PHF2: variants seen among roughly 807,000 people sequenced by gnomAD.
PHF2 encodes PHD finger protein 2.
In PHF2, 27 loss-of-function variants were observed where a neutral mutation model predicts 120.5. The observed-to-expected ratio is 0.22, with a 90% CI of 0.17 to 0.31. The LOEUF (loss-of-function observed/expected upper bound fraction) is 0.31. PHF2 is among the 10% of genes least tolerant of loss of function. The pLI is 1.00. For missense variants in PHF2, 1,024 were observed against 1,434.8 expected (o/e 0.71, Z 4.63); for synonymous variants, 568 against 592.5 (o/e 0.96, Z 0.60).
In PHF2 at chr9:93,676,822, C is replaced by G; in HGVS notation, c.3061C>G (p.Leu1021Val). ...EPPPESHSSS[L>V]ADHEYTAAGT... ...CCCGCCTGAGTCGCATAGCAGCAGC[C>G]TGGCGGACCATGAGTACACAGCCGC... The change falls in exon 21 of 22, where the codon CTG becomes GTG. Residue 1021 changes from leucine (L) to valine (V), a missense_variant. Leu to Val is a conservative substitution (Grantham distance 32, BLOSUM62 1). Around this residue, in one of 2 missense-constraint regions of PHF2, gnomAD observed 677 missense variants for 857.4 expected, o/e 0.79. Coordinates refer to ENST00000359246, the MANE Select transcript of PHF2 (RefSeq NM_005392.4). The G allele has an allele frequency of 6.4e-7, 1 of 1,556,728 alleles. No homozygotes were observed. Among genetic ancestry groups the G allele is most frequent in the South Asian group, 1.2e-5 (1 of 84,498 alleles).
At chr9:93,659,652 C>T (rs766602223) in intron 11 of PHF2, 52 bp downstream of exon 11, 2 of 1,535,546 alleles carry the variant, frequency 1.3e-6, no homozygotes, top group South Asian at 2.3e-5. Context: ...GGGGAGGGCC[C>T]ACCTGTCTTT....
chr9:93,645,825 G>T, intron 4 of PHF2, 36 bp downstream of exon 4: 1 of 1,533,144 alleles, frequency 6.5e-7, no homozygotes, highest in East Asian at 2.3e-5. Flanking sequence ...TCTGGGGCTG[G>T]AGCTGGGAGT....
intron 18 of PHF2, 125 bp from the exon 19 acceptor site, chr9:93,674,802 C>A: frequency 1.5e-6 from 1 of 662,452 alleles, no homozygotes; most frequent in Non-Finnish European, 2.7e-6. Flanking sequence ...CACAGCGTGG[C>A]AGGCCTTAGT....
intron 1 of PHF2, among the ~76,000 whole-genome samples, chr9:93,623,191 G>C (rs1825853097): frequency 6.6e-6 from 1 of 152,186 alleles, no homozygotes; most frequent in African/African-American, 2.4e-5. Flanking sequence ...GGTCTGATGT[G>C]CAATGTGGAT....
At chr9:93,583,046 A>G (rs10156602) in intron 1 of PHF2, among the ~76,000 whole-genome samples, 56,397 of 152,104 alleles carry the variant, frequency 0.37, 10,875 homozygotes, top group African/African-American at 0.42. Context: ...CCGGTATCCA[A>G]TAAGTAGTCA....
At chr9:93,674,793 A>G in intron 18 of PHF2, 134 bp from the exon 19 acceptor site, 1 of 636,398 alleles carries the variant, frequency 1.6e-6, no homozygotes, top group Non-Finnish European at 2.8e-6. Flanking sequence ...TGACAGTGAC[A>G]CAGCGTGGCA....
At chr9:93,672,955 T>C (rs564438682) in intron 17 of PHF2, among the ~76,000 whole-genome samples, 1 of 150,948 alleles carries the variant, frequency 6.6e-6, no homozygotes, top group East Asian at 2.0e-4. Flanking sequence ...CACGTATGGG[T>C]ATAGGAGTAG....
intron 3 of PHF2, among the ~76,000 whole-genome samples, chr9:93,643,554 G>C (rs772206450): frequency 2.0e-5 from 3 of 152,188 alleles, no homozygotes; most frequent in Admixed American, 6.5e-5. Context: ...CTGCCCTCTT[G>C]GCAAAATTAG....
At chr9:93,624,778 GATA>G (rs758287409) in intron 1 of PHF2, among the ~76,000 whole-genome samples, 17 of 151,856 alleles carry the variant, frequency 1.1e-4, no homozygotes, top group African/African-American at 4.1e-4. Flanking sequence ...AGGTGATGAT[GATA>G]ATGATGGTGT....
intron 11 of PHF2, 57 bp from the exon 12 acceptor site, chr9:93,660,135 G>C: frequency 6.8e-7 from 1 of 1,474,680 alleles, no homozygotes. Flanking sequence ...TGTGTGGACC[G>C]TCTTGGGCCA....
intron 1 of PHF2, among the ~76,000 whole-genome samples, chr9:93,615,197 TG>T (rs1271854490): frequency 7.2e-5 from 10 of 138,046 alleles, no homozygotes; most frequent in South Asian, 4.5e-4. Flanking sequence ...GCGATGGTGA[TG>T]ATGATGGTGA....
chr9:93,664,148 C>T (rs1381905633), intron 14 of PHF2, among the ~76,000 whole-genome samples: 1 of 152,194 alleles, frequency 6.6e-6, no homozygotes, highest in African/African-American at 2.4e-5. Context: ...GGACAGGGTC[C>T]TGGCTCTCAG....
intron 1 of PHF2, among the ~76,000 whole-genome samples, chr9:93,605,006 A>G (rs75625893): frequency 0.13 from 20,477 of 152,090 alleles, 1,412 homozygotes; most frequent in East Asian, 0.2. Context: ...TTTATTTTTA[A>G]TAGACTTAAG....
Position 93,662,942 on chromosome 9 carries a change from T to G in PHF2, c.1734T>G (p.Asp578Glu). ...GTGTCCTGAGTGTGCCCAACAAAGA[T>G]GTGGTTCACATGCAGAATGATGTGG... ...TKSVLSVPNK[D>E]VVHMQNDVER... The change falls in exon 13 of 22, where the codon GAT becomes GAG. Residue 578 changes from aspartate (D) to glutamate (E), a missense_variant. Coordinates refer to ENST00000359246, the MANE Select transcript of PHF2 (RefSeq NM_005392.4). 6.2e-7 allele frequency: 1 copy of G among 1,614,016 alleles called. No homozygotes were observed. The highest frequency in any genetic ancestry group is 8.5e-7 in the Non-Finnish European group (1 of 1,179,966).
intron 1 of PHF2, among the ~76,000 whole-genome samples, chr9:93,623,913 A>G (rs1825864556): frequency 6.6e-6 from 1 of 152,252 alleles, no homozygotes; most frequent in African/African-American, 2.4e-5. Context: ...GTGGCCTTGC[A>G]GGGTTAGTCT....
Position 93,636,547 on chromosome 9 carries a change from C to T in PHF2, c.299+22C>T, listed in dbSNP as rs1490968163. On this transcript the variant is annotated intron_variant, in intron 3 of 21. Coordinates refer to ENST00000359246, the MANE Select transcript of PHF2 (RefSeq NM_005392.4). Reference sequence around the variant, plus strand: ...CCAGGTGGGCTGGCCTTCCTGTATGCTCCACCACCTGCAGCCAGGGGATGC... The same window carrying T: ...CCAGGTGGGCTGGCCTTCCTGTATGTTCCACCACCTGCAGCCAGGGGATGC... 5 of 1,483,488 alleles carry T rather than the reference C, an allele frequency of 3.4e-6. No individual in the cohort carries two copies. The African/African-American group carries it at 5.5e-5, about 16-fold the overall frequency. 91.9% of individuals were successfully genotyped at this position (1,483,488 alleles called of 1,614,324 possible).
At chr9:93,648,492 A>G (rs1215402204) in intron 4 of PHF2, among the ~76,000 whole-genome samples, 1 of 152,190 alleles carries the variant, frequency 6.6e-6, no homozygotes, top group Non-Finnish European at 1.5e-5. Flanking sequence ...CAGAGCAGCC[A>G]TGGAGAACTA....
At position 93,679,548 on chromosome 9, in the gene PHF2, A is replaced by G. The variant is rs181468873; in HGVS notation, c.*1872A>G. On this transcript the variant is annotated 3_prime_UTR_variant, in exon 22 of 22. Transcript: ENST00000359246. ...TGAGGTCTAAGGCAACTTAGATCAA[A>G]GTTTTAAAAAAGTAAAAATATTTCA... 4.4e-6 allele frequency: 1 copy of G among 228,738 alleles called. No homozygotes were observed. Among genetic ancestry groups the G allele is most frequent in the African/African-American group, 2.4e-5 (1 of 42,184 alleles). The allele number at this position is 228,738 out of a possible 1,614,324, so 14.2% of individuals were successfully genotyped here. A position where few individuals can be genotyped will look rare whatever the true frequency, so the allele number is the denominator to read the frequency against.
chr9:93,638,998 G>A (rs1019857489), intron 3 of PHF2, among the ~76,000 whole-genome samples: 12 of 152,306 alleles, frequency 7.9e-5, no homozygotes, highest in African/African-American at 2.2e-4. Flanking sequence ...GATTACAAGC[G>A]TGAGCCACCA....
Sources: gnomAD v4.1 joint callset for allele counts (sites outside exome capture counted in the v4.1 genomes callset) on GRCh38, gnomAD v4.1.1 for gene constraint, gnomAD v4.1.1 regional missense constraint, MANE v1.5 for transcripts, NCBI Gene and HGNC (gene_info 2026-07-23, HGNC 2026-07-21) for gene names.